HCN4: variants seen among roughly 807,000 people sequenced by gnomAD.
HCN4 encodes the protein hyperpolarization activated cyclic nucleotide gated potassium channel 4.
In HCN4, 29 loss-of-function variants were observed where a neutral mutation model predicts 76.9. The ratio of observed to expected loss-of-function variants is 0.38; its 90% CI spans 0.28 to 0.51. The LOEUF is 0.51. Ranked by LOEUF, HCN4 falls within the 20% of genes least tolerant of loss-of-function variation. The pLI is 0.90. For synonymous variants in HCN4, 772 were observed against 762.5 expected (o/e 1.01, Z -0.21); for missense variants, 1,416 against 1,715.2 (o/e 0.83, Z 3.08).
rs1309830713 is a variant in HCN4 at position 73,321,440 on chromosome 15, G to GA, written c.*1040dup. 6.6e-6 allele frequency: 1 copy of GA among 152,304 alleles called. No individual in the cohort carries two copies. The highest frequency in any genetic ancestry group is 1.5e-5 in the Non-Finnish European group (1 of 68,052). The allele number at this position is 152,304 out of a possible 1,614,324, so 9.4% of individuals were successfully genotyped here. ...TGTTTCTTCCTCTGCTAAATGGGGAGAATCAAAGTACCCACCCCATGGTCT... is the reference window on the plus strand; with the variant it reads ...TGTTTCTTCCTCTGCTAAATGGGGAGAAATCAAAGTACCCACCCCATGGTCT... On this transcript the variant is annotated 3_prime_UTR_variant, in exon 8 of 8. Transcript: ENST00000261917.
Position 73,322,506 on chromosome 15 carries a change from C to T in HCN4, c.3587G>A (p.Arg1196His), listed in dbSNP as rs147181577. The T allele has an allele frequency of 4.1e-4, 660 of 1,599,036 alleles. No homozygotes were observed. The African/African-American group carries it at 6.8e-3, about 17-fold the overall frequency. Residue 1196 changes from arginine (R) to histidine (H), a missense_variant, in exon 8 of 8, where the codon CGC becomes CAC. Physicochemically the swap from Arg to His is conservative, Grantham distance 29. Around this residue, in one of 6 missense-constraint regions of HCN4, gnomAD observed 633 missense variants for 579.8 expected, o/e 1.09. Transcript: ENST00000261917. The stretch of plus-strand genomic sequence containing the variant: ...TCATAGATTGGATGGCAGTTTGGAG[C>T]GCACTGGCTCAGGCCTGGCCCCAGG... ...REPGARPEPV[R>H]SKLPSNL
chr15:73,363,972 C>G (rs1257477608), intron 1 of HCN4, among the ~76,000 whole-genome samples: 1 of 152,064 alleles, frequency 6.6e-6, no homozygotes, highest in Non-Finnish European at 1.5e-5. Context: ...TGACGGGGTG[C>G]CAGTGACCAG....
intron 4 of HCN4, among the ~76,000 whole-genome samples, chr15:73,326,768 T>G (rs1188456588): frequency 6.6e-6 from 1 of 151,588 alleles, no homozygotes; most frequent in African/African-American, 2.4e-5. Flanking sequence ...TCTTTTTTTC[T>G]TTTTATTTAT....
Position 73,351,967 on chromosome 15 carries a change from C to T in HCN4, c.786-8159G>A, listed in dbSNP as rs2043056734. Among the ~76,000 whole-genome samples the T allele has an allele frequency of 2.0e-5, 3 of 152,146 alleles. No homozygotes were observed. The South Asian group carries it at 6.2e-4, about 32-fold the overall frequency. The stretch of plus-strand genomic sequence containing the variant: ...CCTGGAACTCTTCTCCCCACTTGTA[C>T]CCACCTACCCCCCTTGGTTCACAGG... On this transcript the variant is annotated intron_variant, in intron 1 of 7. Transcript: ENST00000261917.
chr15:73,350,750 G>T (rs1046171577), intron 1 of HCN4, among the ~76,000 whole-genome samples: 1 of 151,792 alleles, frequency 6.6e-6, no homozygotes, highest in Non-Finnish European at 1.5e-5. Context: ...TCCTCCCCAG[G>T]GACCTTAATC....
chr15:73,338,890 G>A (rs2151219843), intron 2 of HCN4, among the ~76,000 whole-genome samples: 1 of 152,352 alleles, frequency 6.6e-6, no homozygotes, highest in East Asian at 1.9e-4. Context: ...CCTGGGTGCA[G>A]GAGACAGGGC....
At chr15:73,356,882 A>T (rs1215088196) in intron 1 of HCN4, among the ~76,000 whole-genome samples, 3 of 152,186 alleles carry the variant, frequency 2.0e-5, no homozygotes, top group Non-Finnish European at 4.4e-5. Context: ...ATGGGGTTGG[A>T]TATTGTGCTA....
chr15:73,329,909 G>T (rs923021429), intron 3 of HCN4, 118 bp from the exon 4 acceptor site: 2 of 824,892 alleles, frequency 2.4e-6, no homozygotes, highest in Non-Finnish European at 3.9e-6. Flanking sequence ...TGGGCCCAGG[G>T]CTCCCTAACC....
rs1363861986 is a variant in HCN4 at position 73,321,078 on chromosome 15, T to C, written c.*1403A>G. The C allele has an allele frequency of 1.3e-5, 2 of 152,232 alleles. No homozygotes were observed. Among genetic ancestry groups the C allele is most frequent in the Non-Finnish European group, 2.9e-5 (2 of 68,050 alleles). The allele number at this position is 152,232 out of a possible 1,614,324, so 9.4% of individuals were successfully genotyped here. A position where few individuals can be genotyped will look rare whatever the true frequency, so the allele number is the denominator to read the frequency against. On this transcript the variant is annotated 3_prime_UTR_variant, in exon 8 of 8. Coordinates refer to ENST00000261917, the MANE Select transcript of HCN4 (RefSeq NM_005477.3). ...GGCGCTGGGCTGGGCATTTCACATA[T>C]AGATTTTTCTCATCTGGTCCTCATA...
chr15:73,334,999 G>T (rs543164344), intron 2 of HCN4, among the ~76,000 whole-genome samples: 1 of 151,946 alleles, frequency 6.6e-6, no homozygotes, highest in African/African-American at 2.4e-5. Context: ...AGACAGAGAC[G>T]ATCTCTTTGT....
intron 1 of HCN4, among the ~76,000 whole-genome samples, chr15:73,344,845 G>A (rs969624936): frequency 1.3e-5 from 2 of 152,320 alleles, no homozygotes; most frequent in Admixed American, 1.3e-4. Flanking sequence ...AATCCAGAAG[G>A]CATGGCCAGT....
Position 73,323,525 on chromosome 15 carries a change from G to A in HCN4, c.2568C>T (p.Ser856=). 1 of 1,601,408 alleles carries A rather than the reference G, an allele frequency of 6.2e-7. No individual in the cohort carries two copies. Among genetic ancestry groups the A allele is most frequent in the Non-Finnish European group, 8.5e-7 (1 of 1,179,864 alleles). ...ATCCAGCCAGCTGTTGGATGTGGAA[G>A]GAGGATGAAGACGGTGTGTCCACCT... is the stretch of plus-strand genomic sequence containing the variant. ...PSQVDTPSSS[S]FHIQQLAGFS... is the part of the protein sequence containing the mutation. The change falls in exon 8 of 8, where the codon TCC becomes TCT. Residue 856 remains serine (S), a synonymous_variant. Coordinates refer to ENST00000261917, the MANE Select transcript of HCN4 (RefSeq NM_005477.3).
intron 3 of HCN4, among the ~76,000 whole-genome samples, chr15:73,330,118 G>C (rs1241048177): frequency 6.6e-6 from 1 of 152,168 alleles, no homozygotes; most frequent in East Asian, 1.9e-4. Context: ...GAGCCACCGT[G>C]CTGTCCTTCC....
In HCN4 at chr15:73,356,586, C is replaced by CT. The variant is rs544710182; in HGVS notation, c.785+10899dup. 2.2e-3 allele frequency among the ~76,000 whole-genome samples: 336 copies of CT among 151,862 alleles called. 2 individuals carry two copies. The highest frequency in any genetic ancestry group is 6.9e-3 in the South Asian group (33 of 4,800). ...ACAAGGAGGCCATAGGAAGGCTTCC[C>CT]TATAAAGAGTAGCTAAATACTGACT... On this transcript the variant is annotated intron_variant, in intron 1 of 7. Transcript: ENST00000261917.
At chr15:73,359,066 C>T (rs1285714046) in intron 1 of HCN4, among the ~76,000 whole-genome samples, 2 of 152,220 alleles carry the variant, frequency 1.3e-5, no homozygotes, top group East Asian at 1.9e-4. Context: ...GCCTCGTTCA[C>T]GCAGACATAA....
intron 2 of HCN4, among the ~76,000 whole-genome samples, chr15:73,338,781 T>C (rs910801425): frequency 3.9e-5 from 6 of 152,228 alleles, no homozygotes; most frequent in Non-Finnish European, 8.8e-5. Flanking sequence ...AGTGTCTGCG[T>C]TGAAGACAGC....
chr15:73,337,787 G>A (rs2042975670), intron 2 of HCN4, among the ~76,000 whole-genome samples: 1 of 152,086 alleles, frequency 6.6e-6, no homozygotes, highest in African/African-American at 2.4e-5. Flanking sequence ...ACCCGCTCTG[G>A]GCAGATGCAG....
At chr15:73,356,505 G>T (rs939404659) in intron 1 of HCN4, among the ~76,000 whole-genome samples, 1 of 150,774 alleles carries the variant, frequency 6.6e-6, no homozygotes, top group Non-Finnish European at 1.5e-5. Flanking sequence ...GAGCCACAGT[G>T]CCTGACCCGG....
rs1262961433 is a variant in HCN4, at chr15:73,321,533, A to AT, written c.*947_*948insA. ...GTGCTTGGCACAGAGCAGACTCAAT[A>AT]AACAGAAGTTCCGCTCACCTCCCAC... On this transcript the variant is annotated 3_prime_UTR_variant, in exon 8 of 8. Transcript: ENST00000261917. The AT allele has an allele frequency of 6.6e-6, 1 of 152,654 alleles. No individual in the cohort carries two copies. The highest frequency in any genetic ancestry group is 1.5e-5 in the Non-Finnish European group (1 of 68,060). 9.5% of individuals were successfully genotyped at this position (152,654 alleles called of 1,614,324 possible). A position where few individuals can be genotyped will look rare whatever the true frequency, so the allele number is the denominator to read the frequency against.
Sources: gnomAD v4.1 joint callset for allele counts (sites outside exome capture counted in the v4.1 genomes callset) on GRCh38, gnomAD v4.1.1 for gene constraint, gnomAD v4.1.1 regional missense constraint, MANE v1.5 for transcripts, NCBI Gene and HGNC (gene_info 2026-07-23, HGNC 2026-07-21) for gene names.